The following EPHB1 variants were observed in gnomAD, a reference collection of about 807,000 sequenced individuals.
The protein encoded by EPHB1 is ephrin type-B receptor 1.
EPHB1 carries 30 observed loss-of-function variants against 94.4 expected under a neutral mutation model. That is an observed-to-expected ratio of 0.32 (90% CI 0.24 to 0.43). EPHB1 has a LOEUF of 0.43. Among genes scored for constraint, EPHB1 ranks in the 20% least tolerant of loss-of-function variants. EPHB1 has a pLI of 1.00. For missense variants in EPHB1, 1,055 were observed against 1,308.3 expected, an observed-to-expected ratio of 0.81 and a Z score of 2.99; for synonymous variants, 522 against 489.1, an observed-to-expected ratio of 1.07 and a Z score of -0.89.
At chr3:135,228,225 C>G (rs932599437) in intron 12 of EPHB1, among the ~76,000 whole-genome samples, 6 of 152,018 alleles carry the variant, frequency 3.9e-5, no homozygotes, top group Admixed American at 3.9e-4. Flanking sequence ...TTTCACAATA[C>G]TTTTTAAATT....
At chr3:135,173,215 T>A (rs1941862663) in intron 9 of EPHB1, among the ~76,000 whole-genome samples, 1 of 151,430 alleles carries the variant, frequency 6.6e-6, no homozygotes, top group African/African-American at 2.4e-5. Flanking sequence ...TTTGTATTTT[T>A]AGTAGAGACG....
At chr3:135,241,776 T>C (rs1278771097) in intron 13 of EPHB1, among the ~76,000 whole-genome samples, 1 of 152,196 alleles carries the variant, frequency 6.6e-6, no homozygotes, top group Non-Finnish European at 1.5e-5. Context: ...GACTTGTACC[T>C]CTTAGCTTTA....
intron 1 of EPHB1, among the ~76,000 whole-genome samples, chr3:134,798,924 G>A (rs930901438): frequency 6.6e-6 from 1 of 152,190 alleles, no homozygotes; most frequent in Non-Finnish European, 1.5e-5. Flanking sequence ...CCTGCAGAAG[G>A]CCTCAGAGTG....
At chr3:135,225,128 AC>A (rs1273038124) in intron 12 of EPHB1, among the ~76,000 whole-genome samples, 1 of 151,702 alleles carries the variant, frequency 6.6e-6, no homozygotes, top group Non-Finnish European at 1.5e-5. Flanking sequence ...CTTCACACCT[AC>A]TCTGCTGCAG....
intron 3 of EPHB1, among the ~76,000 whole-genome samples, chr3:135,093,546 T>A (rs967243095): frequency 1.3e-5 from 2 of 152,088 alleles, no homozygotes; most frequent in Non-Finnish European, 2.9e-5. Context: ...GATGAAACCC[T>A]GTCTCTACTA....
At chr3:134,895,927 T>C (rs1515359) in intron 1 of EPHB1, among the ~76,000 whole-genome samples, 87,530 of 152,004 alleles carry the variant, frequency 0.58, 25,906 homozygotes, top group African/African-American at 0.69. Flanking sequence ...CCAATTTCTG[T>C]AGCCTTTGCC....
intron 12 of EPHB1, among the ~76,000 whole-genome samples, chr3:135,227,673 G>A (rs1184162765): frequency 6.6e-6 from 1 of 151,902 alleles, no homozygotes; most frequent in Non-Finnish European, 1.5e-5. Flanking sequence ...CTGTGCACTC[G>A]TATGTATATT....
chr3:135,073,853 G>A (rs60898103), intron 3 of EPHB1, among the ~76,000 whole-genome samples: 304 of 152,044 alleles, frequency 2.0e-3, no homozygotes, highest in African/African-American at 7.0e-3. Flanking sequence ...TTTGCTCGTT[G>A]CATTCCAGTG....
At chr3:134,994,781 T>G (rs1395359290) in intron 3 of EPHB1, among the ~76,000 whole-genome samples, 2 of 152,248 alleles carry the variant, frequency 1.3e-5, no homozygotes, top group African/African-American at 4.8e-5. Context: ...TTTTAATGTT[T>G]CATTATGGTT....
intron 3 of EPHB1, among the ~76,000 whole-genome samples, chr3:134,964,447 G>A (rs952546235): frequency 6.6e-6 from 1 of 152,216 alleles, no homozygotes; most frequent in Non-Finnish European, 1.5e-5. Context: ...AGGACATAAG[G>A]TCAGTGCAAC....
intron 11 of EPHB1, among the ~76,000 whole-genome samples, chr3:135,194,533 C>A (rs1390857509): frequency 6.6e-6 from 1 of 152,136 alleles, no homozygotes; most frequent in Admixed American, 6.5e-5. Context: ...AAATGTGGAC[C>A]TATTTGGTAA....
intron 1 of EPHB1, among the ~76,000 whole-genome samples, chr3:134,907,924 G>C (rs2038370120): frequency 6.6e-6 from 1 of 152,214 alleles, no homozygotes; most frequent in Non-Finnish European, 1.5e-5. Context: ...CCTCCAACAT[G>C]CTCCTGCTCT....
intron 1 of EPHB1, among the ~76,000 whole-genome samples, chr3:134,906,617 C>T (rs1007777727): frequency 6.6e-6 from 1 of 152,208 alleles, no homozygotes; most frequent in Non-Finnish European, 1.5e-5. Flanking sequence ...AGTTTGCTTA[C>T]ATGAGGTAAT....
intron 1 of EPHB1, among the ~76,000 whole-genome samples, chr3:134,889,105 G>A (rs949693034): frequency 6.6e-6 from 1 of 152,166 alleles, no homozygotes; most frequent in African/African-American, 2.4e-5. Context: ...TTGAGGGTGA[G>A]CAGATATGAT....
chr3:135,042,418 A>C (rs538914943), intron 3 of EPHB1, among the ~76,000 whole-genome samples: 2 of 152,350 alleles, frequency 1.3e-5, no homozygotes, highest in South Asian at 4.1e-4. Context: ...TGGATTTTTC[A>C]CAAAGAACAG....
chr3:134,973,370 A>G (rs1422842301), intron 3 of EPHB1, among the ~76,000 whole-genome samples: 1 of 147,218 alleles, frequency 6.8e-6, no homozygotes, highest in Non-Finnish European at 1.5e-5. Context: ...AACCAATGGT[A>G]GGTCTGGCAG....
chr3:134,921,409 C>T (rs1258295530), intron 1 of EPHB1, among the ~76,000 whole-genome samples: 1 of 152,212 alleles, frequency 6.6e-6, no homozygotes, highest in African/African-American at 2.4e-5. Context: ...ACACCTGTTC[C>T]CCGCATACAG....
At chr3:134,967,935 A>C (rs908572004) in intron 3 of EPHB1, among the ~76,000 whole-genome samples, 1 of 152,218 alleles carries the variant, frequency 6.6e-6, no homozygotes, top group Non-Finnish European at 1.5e-5. Flanking sequence ...ACCTGTCTCT[A>C]ACACACAGGT....
At chr3:135,045,988 A>G (rs1255831691) in intron 3 of EPHB1, among the ~76,000 whole-genome samples, 1 of 152,174 alleles carries the variant, frequency 6.6e-6, no homozygotes, top group Non-Finnish European at 1.5e-5. Flanking sequence ...TTTAAGATGA[A>G]TTTTCTTCAT....
Sources: gnomAD v4.1 joint callset for allele counts (sites outside exome capture counted in the v4.1 genomes callset) on GRCh38, gnomAD v4.1.1 for gene constraint, MANE v1.5 for transcripts, NCBI Gene and HGNC (gene_info 2026-07-23, HGNC 2026-07-21) for gene names.